The following DZIP1L variants were observed in gnomAD, a reference collection of about 807,000 sequenced individuals.
DZIP1L encodes the protein cilium assembly protein DZIP1L.
In DZIP1L, 90 loss-of-function variants were observed where a neutral mutation model predicts 88.7. The observed-to-expected ratio is 1.02, with a 90% confidence interval of 0.86 to 1.21. The LOEUF is 1.21. DZIP1L is among the 50% of genes most tolerant of loss of function. DZIP1L has a pLI of 0.00. For synonymous variants in DZIP1L, 363 were observed against 372.1 expected (o/e 0.98, Z 0.28); for missense variants, 932 against 955.8 (o/e 0.98, Z 0.33).
chr3:138,091,708 GAA>G (rs1370045450), intron 5 of DZIP1L, among the ~76,000 whole-genome samples: 12 of 142,094 alleles, frequency 8.4e-5, no homozygotes, highest in African/African-American at 3.1e-4. Flanking sequence ...GAGGGAGAGA[GAA>G]AGAGAGAGAG....
intron 1 of DZIP1L, among the ~76,000 whole-genome samples, chr3:138,111,014 T>A (rs1336505565): frequency 2.6e-5 from 4 of 152,164 alleles, no homozygotes; most frequent in Non-Finnish European, 5.9e-5. Context: ...GAAAGGGTTC[T>A]CTGGGAACAC....
Position 138,075,570 on chromosome 3 carries a change from G to A in DZIP1L, c.1422+1929C>T, listed in dbSNP as rs561058156. On this transcript the variant is annotated intron_variant, in intron 11 of 15. Coordinates refer to ENST00000327532, the MANE Select transcript of DZIP1L (RefSeq NM_173543.3). ...CCTGAATAATCGTTGGGTCAACAAC[G>A]AAATCAAGATGGAAACTTAAAAGTT... Among the ~76,000 whole-genome samples, 9 of 152,302 alleles carry A rather than the reference G, an allele frequency of 5.9e-5. No individual in the cohort carries two copies. In the South Asian group the frequency reaches 1.4e-3, roughly 25 times the overall value.
In DZIP1L at chr3:138,103,925, A is replaced by G; in HGVS notation, c.47T>C (p.Phe16Ser). The G allele has an allele frequency of 5.0e-6, 8 of 1,613,480 alleles. No individual in the cohort carries two copies. The highest frequency in any genetic ancestry group is 6.8e-6 in the Non-Finnish European group (8 of 1,180,014). The change falls in exon 2 of 16, where the codon TTT becomes TCT. Residue 16 changes from phenylalanine to serine, a missense_variant. Transcript: ENST00000327532. ...ATAEGLSGPL[F>S]GAYTFPTFKF... Reference sequence around the variant, plus strand: ...GAAGGTGGGGAACGTGTAGGCCCCAAAGAGGGGGCCACTGAGGCCCTCAGC... The same window carrying G: ...GAAGGTGGGGAACGTGTAGGCCCCAGAGAGGGGGCCACTGAGGCCCTCAGC...
chr3:138,088,528 T>C lies in DZIP1L; in HGVS notation c.871-21A>G, dbSNP rs369293403. The C allele has an allele frequency of 5.8e-5, 93 of 1,610,010 alleles. No homozygotes were observed. The African/African-American group carries it at 1.1e-3, about 20-fold the overall frequency. On this transcript the variant is annotated intron_variant, in intron 5 of 15. Coordinates refer to ENST00000327532, the MANE Select transcript of DZIP1L (RefSeq NM_173543.3). ...AGTTTCTGAAAAGGCCAGGGCATAG[T>C]TTTATTCAGATGAAGATCTCATCAT... is the stretch of plus-strand genomic sequence containing the variant.
rs1001356955 is a variant in DZIP1L at position 138,102,343 on chromosome 3, T to G, written c.501+1128A>C. On this transcript the variant is annotated intron_variant, in intron 2 of 15. Transcript: ENST00000327532. ...ACATCTTTCTCGATGAAGGCAAATT[T>G]ATTCTCCATCTTTGTATGCTTATTG... The G allele has an allele frequency of 2.3e-5, 29 of 1,236,752 alleles. No individual in the cohort carries two copies. In the African/African-American group the frequency reaches 3.3e-4, roughly 14 times the overall value. The allele number at this position is 1,236,752 out of a possible 1,614,324, so 76.6% of individuals were successfully genotyped here.
chr3:138,069,891 G>T (rs1391600517), intron 12 of DZIP1L, among the ~76,000 whole-genome samples: 2 of 152,096 alleles, frequency 1.3e-5, no homozygotes, highest in African/African-American at 4.8e-5. Flanking sequence ...GGAAGGAAAG[G>T]TCTACAAAAT....
chr3:138,077,403 C>T (rs935792475), intron 11 of DZIP1L, 96 bp downstream of exon 11: 1 of 1,549,972 alleles, frequency 6.5e-7, no homozygotes, highest in Non-Finnish European at 8.8e-7. Context: ...TGAATGAGCT[C>T]ACAATGCAAA....
chr3:138,102,347 C>A, intron 2 of DZIP1L: 1 of 1,230,092 alleles, frequency 8.1e-7, no homozygotes, highest in Non-Finnish European at 1.2e-6. Flanking sequence ...CAAATTTATT[C>A]TCCATCTTTG....
At chr3:138,096,731 T>C (rs1944483611) in intron 3 of DZIP1L, among the ~76,000 whole-genome samples, 1 of 152,208 alleles carries the variant, frequency 6.6e-6, no homozygotes, top group Non-Finnish European at 1.5e-5. Flanking sequence ...CTAAAAAGAA[T>C]TAGATATACA....
At chr3:138,102,855 G>T in intron 2 of DZIP1L, 1 of 688,546 alleles carries the variant, frequency 1.5e-6, no homozygotes. Flanking sequence ...AGAAGCAGCT[G>T]CTGAAGACCT....
Position 138,062,823 on chromosome 3 carries a change from G to A in DZIP1L, c.2297C>T (p.Ala766Val). 1.2e-6 allele frequency: 2 copies of A among 1,613,950 alleles called. No individual in the cohort carries two copies. Among genetic ancestry groups the A allele is most frequent in the Non-Finnish European group, 8.5e-7 (1 of 1,180,034 alleles). ...PQSSGQPRVP[A>V]W ...GCTAGCTTCTGGGGTGAATCACCAG[G>A]CAGGGACCCTGGGTTGGCCAGAGCT... is the stretch of plus-strand genomic sequence containing the variant. Residue 766 changes from alanine (A) to valine (V), a missense_variant, in exon 16 of 16, where the codon GCC (alanine) becomes GTC (valine). Ala to Val is a moderately conservative substitution (Grantham distance 64). Coordinates refer to ENST00000327532, the MANE Select transcript of DZIP1L (RefSeq NM_173543.3).
intron 1 of DZIP1L, among the ~76,000 whole-genome samples, chr3:138,114,548 T>C (rs2107876498): frequency 6.6e-6 from 1 of 152,096 alleles, no homozygotes; most frequent in Non-Finnish European, 1.5e-5. Flanking sequence ...GGGCTGCAAC[T>C]GAGAAGGGAG....
At chr3:138,097,607 T>C (rs1944538916) in intron 3 of DZIP1L, among the ~76,000 whole-genome samples, 156 bp downstream of exon 3, 3 of 152,104 alleles carry the variant, frequency 2.0e-5, no homozygotes, top group African/African-American at 7.2e-5. Context: ...CCATGTGGGC[T>C]CCCCCGGTGG....
At chr3:138,077,755 A>C in intron 10 of DZIP1L, 123 bp from the exon 11 acceptor site, 2 of 1,396,200 alleles carry the variant, frequency 1.4e-6, no homozygotes, top group Non-Finnish European at 1.9e-6. Flanking sequence ...CAGGACTTGG[A>C]GATTGCACTT....
chr3:138,087,605 T>C (rs892627792), intron 6 of DZIP1L, among the ~76,000 whole-genome samples: 2 of 152,230 alleles, frequency 1.3e-5, no homozygotes, highest in East Asian at 3.8e-4. Flanking sequence ...AGGCAAAGAA[T>C]GTGAACAGAG....
rs373021639 is a variant in DZIP1L at position 138,067,609 on chromosome 3, G to A, written c.1924C>T (p.Pro642Ser). The A allele has an allele frequency of 3.7e-6, 6 of 1,611,730 alleles. No individual in the cohort carries two copies. The highest frequency in any genetic ancestry group is 4.2e-6 in the Non-Finnish European group (5 of 1,178,920). The change falls in exon 14 of 16, where the codon CCC (proline) becomes TCC (serine). Residue 642 changes from proline to serine, a missense_variant. Coordinates refer to ENST00000327532, the MANE Select transcript of DZIP1L (RefSeq NM_173543.3). ...CAGTCCCAGTCATCCTTGGGCCGGG[G>A]CACCATCCTGGAAGGAACTTTTGGG... Reference protein sequence around the residue: ...QPPKVPSRMVPRPKDDWDWSD... With the variant: ...QPPKVPSRMVSRPKDDWDWSD...
At chr3:138,083,993 C>G in intron 8 of DZIP1L, 120 bp downstream of exon 8, 1 of 1,403,016 alleles carries the variant, frequency 7.1e-7, no homozygotes, top group Non-Finnish European at 9.6e-7. Context: ...ACTCTTCTCT[C>G]TCCTTAAGGA....
intron 11 of DZIP1L, among the ~76,000 whole-genome samples, chr3:138,073,252 C>A (rs550044852): frequency 5.9e-5 from 9 of 152,142 alleles, no homozygotes; most frequent in African/African-American, 9.7e-5. Context: ...TGGAGGCCAA[C>A]AAACACAAAA....
chr3:138,067,599 T>C lies in DZIP1L; in HGVS notation c.1934A>G (p.Lys645Arg), dbSNP rs1313803801. The part of the protein sequence containing the change: ...KVPSRMVPRP[K>R]DDWDWSDTET... ...TGTGTCAGACCAGTCCCAGTCATCC[T>C]TGGGCCGGGGCACCATCCTGGAAGG... Residue 645 changes from lysine (K) to arginine (R), a missense_variant, in exon 14 of 16, where the codon AAG becomes AGG. Lys to Arg is a conservative substitution (Grantham distance 26, BLOSUM62 2). Transcript: ENST00000327532. 1 of 1,612,386 alleles carries C rather than the reference T, an allele frequency of 6.2e-7. No individual in the cohort carries two copies. Among genetic ancestry groups the C allele is most frequent in the Non-Finnish European group, 8.5e-7 (1 of 1,179,222 alleles).
Sources: allele counts gnomAD v4.1 joint callset (sites outside exome capture counted in the v4.1 genomes callset), GRCh38; gene constraint gnomAD v4.1.1; transcripts MANE v1.5; gene names NCBI Gene and HGNC (gene_info 2026-07-23, HGNC 2026-07-21).